Variants in RNF115 observed in about 807,000 individuals in gnomAD.
RNF115 encodes E3 ubiquitin-protein ligase RNF115.
In RNF115, 31 loss-of-function variants were observed where a neutral mutation model predicts 39.2. The observed-to-expected ratio is 0.79, with a 90% CI of 0.59 to 1.07. The LOEUF is 1.07. RNF115 is among the 50% of genes least tolerant of loss of function. The pLI, the probability that RNF115 is intolerant of heterozygous loss-of-function variation, is 0.00. For missense variants in RNF115, 384 were observed against 381.7 expected, an observed-to-expected ratio of 1.01 and a Z score of -0.05; for synonymous variants, 124 against 131.0, an observed-to-expected ratio of 0.95 and a Z score of 0.37.
chr1:145,795,851 C>T (rs1417341269), intron 1 of RNF115, among the ~76,000 whole-genome samples: 1 of 152,150 alleles, frequency 6.6e-6, no homozygotes, highest in African/African-American at 2.4e-5. Flanking sequence ...GCTAATTATT[C>T]TTGATAAAAG....
rs143782281 is a variant in RNF115 at position 145,756,643 on chromosome 1, T to C, written c.429-3594A>G. Among the ~76,000 whole-genome samples the C allele has an allele frequency of 1.8e-3, 278 of 152,182 alleles. 5 individuals carry two copies. The Middle Eastern group carries it at 0.031, about 17-fold the overall frequency. ...ATTTATTCGTTCACTGATGTGGGTG[T>C]CAGTAGGGTTAGTTCCTTCAGGAAG... On this transcript the variant is annotated intron_variant, in intron 4 of 8. Coordinates refer to ENST00000582693, the MANE Select transcript of RNF115 (RefSeq NM_014455.4).
At position 145,823,929 on chromosome 1, in the gene RNF115, C is replaced by A; in HGVS notation, c.-56G>T. The A allele has an allele frequency of 1.6e-6, 2 of 1,279,440 alleles. No homozygotes were observed. The highest frequency in any genetic ancestry group is 3.1e-5 in the South Asian group (2 of 64,182). 79.3% of individuals were successfully genotyped at this position (1,279,440 alleles called of 1,614,324 possible). A position where few individuals can be genotyped will look rare whatever the true frequency, so the allele number is the denominator to read the frequency against. ...GCAGCCGGCCCGTCCCTCGCCAGGC[C>A]GCTACCTCCCGAGCTGCAGTCGTCG... On this transcript the variant is annotated 5_prime_UTR_variant, in exon 1 of 9. Coordinates refer to ENST00000582693, the MANE Select transcript of RNF115 (RefSeq NM_014455.4).
intron 3 of RNF115, among the ~76,000 whole-genome samples, chr1:145,779,630 G>A (rs1161782925): frequency 1.3e-5 from 2 of 152,070 alleles, no homozygotes; most frequent in Admixed American, 1.3e-4. Context: ...GCTAAAAAAT[G>A]CATAAAGCTA....
intron 4 of RNF115, among the ~76,000 whole-genome samples, chr1:145,767,228 C>T (rs1399220887): frequency 2.7e-5 from 4 of 150,188 alleles, no homozygotes; most frequent in South Asian, 2.1e-4. Flanking sequence ...GGGTGGCTGC[C>T]GGGCGGAGGG....
chr1:145,775,286 CTTATAACTTAAT>C (rs1222146614), intron 3 of RNF115, among the ~76,000 whole-genome samples: 1 of 151,714 alleles, frequency 6.6e-6, no homozygotes, highest in Non-Finnish European at 1.5e-5. Context: ...TAATTTATAA[CTTATAACTTAAT>C]TTATAACTTA....
rs1353332946 is a variant in RNF115, at chr1:145,743,899, T to C, written c.*2967A>G. On this transcript the variant is annotated 3_prime_UTR_variant, in exon 9 of 9. Coordinates refer to ENST00000582693, the MANE Select transcript of RNF115 (RefSeq NM_014455.4). ...TGGACATCTGAGGTGCCTGCCATTATAAGAAGAAACACAACAGATCCATTA... is the reference window on the plus strand; with the variant it reads ...TGGACATCTGAGGTGCCTGCCATTACAAGAAGAAACACAACAGATCCATTA... The C allele has an allele frequency of 2.6e-5, 4 of 152,156 alleles. No individual in the cohort carries two copies. The highest frequency in any genetic ancestry group is 9.7e-5 in the African/African-American group (4 of 41,426). 9.4% of individuals were successfully genotyped at this position (152,156 alleles called of 1,614,324 possible). A position where few individuals can be genotyped will look rare whatever the true frequency, so the allele number is the denominator to read the frequency against.
At chr1:145,761,440 T>A (rs1200860434) in intron 4 of RNF115, among the ~76,000 whole-genome samples, 1 of 152,218 alleles carries the variant, frequency 6.6e-6, no homozygotes, top group Non-Finnish European at 1.5e-5. Context: ...TGGTGCCCTG[T>A]GTCCCAGTTG....
chr1:145,777,211 T>G (rs1350529576), intron 3 of RNF115, among the ~76,000 whole-genome samples: 2 of 152,188 alleles, frequency 1.3e-5, no homozygotes, highest in Admixed American at 6.5e-5. Flanking sequence ...AAAGTAACCA[T>G]TAGTTTCATT....
At chr1:145,758,297 G>A (rs1658375716) in intron 4 of RNF115, among the ~76,000 whole-genome samples, 1 of 152,126 alleles carries the variant, frequency 6.6e-6, no homozygotes. Flanking sequence ...GCCCTATGGA[G>A]AGGCCCAGAT....
intron 1 of RNF115, among the ~76,000 whole-genome samples, chr1:145,805,316 A>C (rs587631442): frequency 6.6e-6 from 1 of 152,316 alleles, no homozygotes; most frequent in East Asian, 1.9e-4. Context: ...GAAAACAATT[A>C]ATTAACTGAA....
intron 1 of RNF115, among the ~76,000 whole-genome samples, chr1:145,798,037 G>A (rs1387216396): frequency 6.6e-6 from 1 of 152,038 alleles, no homozygotes; most frequent in Non-Finnish European, 1.5e-5. Context: ...TCTACATTCT[G>A]GATATTAATA....
Position 145,741,400 on chromosome 1 carries a change from A to C in RNF115, c.*5466T>G, listed in dbSNP as rs587719210. ...TGAGAGATCGAAACCTTACAATGTC[A>C]ATGGGATCAGACAAGGGCTCTATTT... On this transcript the variant is annotated 3_prime_UTR_variant, in exon 9 of 9. Transcript: ENST00000582693. 2.0e-5 allele frequency: 3 copies of C among 152,298 alleles called. No individual in the cohort carries two copies. The South Asian group carries it at 6.2e-4, about 32-fold the overall frequency. The allele number at this position is 152,298 out of a possible 1,614,324, so 9.4% of individuals were successfully genotyped here.
At chr1:145,778,376 T>C (rs1401104035) in intron 3 of RNF115, among the ~76,000 whole-genome samples, 2 of 152,150 alleles carry the variant, frequency 1.3e-5, no homozygotes, top group East Asian at 1.9e-4. Context: ...GGGATTCTTT[T>C]GGGGATGATG....
intron 3 of RNF115, among the ~76,000 whole-genome samples, chr1:145,778,851 T>G (rs1553716916): frequency 6.6e-6 from 1 of 152,222 alleles, no homozygotes; most frequent in African/African-American, 2.4e-5. Flanking sequence ...CAAGTGGAGT[T>G]CATGTATTAG....
intron 4 of RNF115, among the ~76,000 whole-genome samples, chr1:145,767,001 T>A (rs1571727741): frequency 2.2e-5 from 3 of 134,766 alleles, no homozygotes; most frequent in South Asian, 2.4e-4. Flanking sequence ...GGCTCCTCAC[T>A]TCCCAGTAGG....
intron 1 of RNF115, among the ~76,000 whole-genome samples, chr1:145,809,064 G>A (rs782627388): frequency 1.1e-4 from 16 of 152,050 alleles, no homozygotes; most frequent in Non-Finnish European, 2.1e-4. Context: ...AAATAAAGCC[G>A]TATTCCACAA....
At chr1:145,758,005 TAGA>T (rs1658364849) in intron 4 of RNF115, among the ~76,000 whole-genome samples, 2 of 152,188 alleles carry the variant, frequency 1.3e-5, no homozygotes, top group Admixed American at 6.5e-5. Context: ...ATTTTGCACA[TAGA>T]AGAAGTGTAA....
intron 5 of RNF115, 52 bp from the exon 6 acceptor site, chr1:145,751,562 T>A: frequency 7.4e-7 from 1 of 1,348,378 alleles, no homozygotes; most frequent in East Asian, 2.5e-5. Context: ...AGGCTCTGCC[T>A]TACACCACAG....
intron 3 of RNF115, among the ~76,000 whole-genome samples, chr1:145,782,068 A>G (rs1262219473): frequency 6.6e-6 from 1 of 151,674 alleles, no homozygotes; most frequent in Non-Finnish European, 1.5e-5. Flanking sequence ...ATGCCTGGCT[A>G]ATTTTTTGTA....
Sources: allele counts gnomAD v4.1 joint callset (sites outside exome capture counted in the v4.1 genomes callset), GRCh38; gene constraint gnomAD v4.1.1; transcripts MANE v1.5; gene names NCBI Gene and HGNC (gene_info 2026-07-23, HGNC 2026-07-21).